The following WWOX variants were observed in gnomAD, a reference collection of about 807,000 sequenced individuals.
WWOX encodes WW domain-containing oxidoreductase.
A neutral mutation model predicts 46.2 loss-of-function variants in WWOX; 69 were observed. The ratio of observed to expected loss-of-function variants is 1.49; its 90% confidence interval spans 1.23 to 1.82. The LOEUF is 1.82. Among genes scored for constraint, WWOX ranks in the 40% most tolerant of loss-of-function variants. The probability of loss-of-function intolerance (pLI) is 0.00; values close to 1 mark genes in which losing one functional copy is unlikely to be tolerated. For synonymous variants in WWOX, 359 were observed against 202.6 expected, an observed-to-expected ratio of 1.77 and a Z score of -6.56; for missense variants, 919 against 542.6, an observed-to-expected ratio of 1.69 and a Z score of -6.89.
chr16:78,679,115 C>T (rs929644722), intron 8 of WWOX, among the ~76,000 whole-genome samples: 1 of 152,184 alleles, frequency 6.6e-6, no homozygotes, highest in East Asian at 1.9e-4. Flanking sequence ...GTGGAGACAC[C>T]AGCGTCTTGG....
intron 6 of WWOX, among the ~76,000 whole-genome samples, chr16:78,423,238 T>C (rs2082993842): frequency 6.6e-6 from 1 of 152,158 alleles, no homozygotes; most frequent in African/African-American, 2.4e-5. Context: ...TCTTTCTCTG[T>C]TTCTGTGTGT....
At chr16:78,454,184 C>G (rs563401775) in intron 8 of WWOX, among the ~76,000 whole-genome samples, 4 of 152,234 alleles carry the variant, frequency 2.6e-5, no homozygotes, top group Non-Finnish European at 5.9e-5. Context: ...CCCAAACTTT[C>G]AATGTTTTGG....
intron 8 of WWOX, among the ~76,000 whole-genome samples, chr16:78,840,415 C>G (rs942207167): frequency 2.0e-5 from 3 of 152,284 alleles, no homozygotes; most frequent in Admixed American, 2.0e-4. Flanking sequence ...ACAGTCAATG[C>G]AAAAGTCCTC....
chr16:78,232,549 A>G (rs1388445254), intron 5 of WWOX, among the ~76,000 whole-genome samples: 1 of 152,230 alleles, frequency 6.6e-6, no homozygotes, highest in African/African-American at 2.4e-5. Flanking sequence ...ACTGTTGGTG[A>G]AAAATCCTTG....
chr16:78,348,197 C>T lies in WWOX; in HGVS notation c.517-38663C>T, dbSNP rs1275582964. On this transcript the variant is annotated intron_variant, in intron 5 of 8. Coordinates refer to ENST00000566780, the MANE Select transcript of WWOX (RefSeq NM_016373.4). ...TTGCTTCTGGGCCATAGCTGTGTTT[C>T]TTCTTAACAAGGCAGAAGCCCAGAA... is the stretch of plus-strand genomic sequence containing the variant. Among the ~76,000 whole-genome samples the T allele has an allele frequency of 3.3e-5, 4 of 121,604 alleles. 1 individual carries two copies. The highest frequency in any genetic ancestry group is 7.9e-5 in the Non-Finnish European group (4 of 50,846). 79.8% of individuals were successfully genotyped at this position (121,604 alleles called of 152,430 possible). A position where few individuals can be genotyped will look rare whatever the true frequency, so the allele number is the denominator to read the frequency against.
In WWOX at chr16:79,212,116, C is replaced by CTGTT. The variant is rs751259235; in HGVS notation, c.*321_*324dup. 2 of 1,535,456 alleles carry CTGTT rather than the reference C, an allele frequency of 1.3e-6. No individual in the cohort carries two copies. The highest frequency in any genetic ancestry group is 1.2e-5 in the South Asian group (1 of 83,948). ...AGCACCAGCAATTCTCTTTCTTTTA[C>CTGTT]TGTTATAGAATAGCCTGAGGTCCCC... On this transcript the variant is annotated 3_prime_UTR_variant, in exon 9 of 9. Transcript: ENST00000566780.
At chr16:78,984,899 C>T (rs116999329) in intron 8 of WWOX, among the ~76,000 whole-genome samples, 3,008 of 152,038 alleles carry the variant, frequency 0.02, 55 homozygotes, top group Non-Finnish European at 0.031. Flanking sequence ...ATTCTTTTTT[C>T]AGTTAATCGG....
chr16:78,823,909 A>G (rs112809913), intron 8 of WWOX, among the ~76,000 whole-genome samples: 2,458 of 151,948 alleles, frequency 0.016, 62 homozygotes, highest in East Asian at 0.056. Flanking sequence ...CCAAGTAGCT[A>G]GGACTACAGG....
At chr16:79,084,162 C>T (rs1405078256) in intron 8 of WWOX, among the ~76,000 whole-genome samples, 1 of 152,140 alleles carries the variant, frequency 6.6e-6, no homozygotes, top group Non-Finnish European at 1.5e-5. Flanking sequence ...CCGCAGCTCT[C>T]AGGCACTCTT....
chr16:79,135,944 G>A (rs1597406422), intron 8 of WWOX, among the ~76,000 whole-genome samples: 1 of 152,074 alleles, frequency 6.6e-6, no homozygotes, highest in East Asian at 1.9e-4. Flanking sequence ...TGTAAATTAA[G>A]GAAACCATCA....
intron 8 of WWOX, among the ~76,000 whole-genome samples, chr16:78,680,883 G>A (rs2047714028): frequency 6.6e-6 from 1 of 152,120 alleles, no homozygotes. Context: ...GGATGAAGTG[G>A]GAGGAAAGTT....
intron 8 of WWOX, among the ~76,000 whole-genome samples, chr16:78,834,234 A>C (rs2051912833): frequency 6.6e-6 from 1 of 152,162 alleles, no homozygotes; most frequent in Admixed American, 6.5e-5. Flanking sequence ...GTGTGTTCTG[A>C]TAGCAAACAT....
intron 5 of WWOX, among the ~76,000 whole-genome samples, chr16:78,181,390 G>T (rs1232884670): frequency 6.6e-6 from 1 of 152,176 alleles, no homozygotes; most frequent in East Asian, 1.9e-4. Context: ...TAATCAGAAA[G>T]AAATTGTCTA....
At chr16:79,084,640 C>G (rs1029875631) in intron 8 of WWOX, among the ~76,000 whole-genome samples, 1 of 152,166 alleles carries the variant, frequency 6.6e-6, no homozygotes. Flanking sequence ...GTCTTGGACT[C>G]CTGGCCTCGT....
At chr16:78,815,519 G>A (rs1192619201) in intron 8 of WWOX, among the ~76,000 whole-genome samples, 2 of 152,098 alleles carry the variant, frequency 1.3e-5, no homozygotes, top group Non-Finnish European at 2.9e-5. Flanking sequence ...CCTCTTGCCA[G>A]GACCCTGACC....
intron 8 of WWOX, among the ~76,000 whole-genome samples, chr16:78,458,569 A>C (rs1434457781): frequency 6.6e-6 from 1 of 152,100 alleles, no homozygotes; most frequent in Non-Finnish European, 1.5e-5. Flanking sequence ...CCATTGGTAT[A>C]CCATTGTTTT....
At chr16:79,059,444 C>T (rs758599255) in intron 8 of WWOX, among the ~76,000 whole-genome samples, 8 of 152,200 alleles carry the variant, frequency 5.3e-5, no homozygotes, top group Non-Finnish European at 7.3e-5. Flanking sequence ...AGTAGAAACT[C>T]AACAGTGTTT....
At chr16:78,523,580 G>A (rs1177301504) in intron 8 of WWOX, among the ~76,000 whole-genome samples, 2 of 152,330 alleles carry the variant, frequency 1.3e-5, no homozygotes, top group East Asian at 3.9e-4. Flanking sequence ...GTCTGATGGA[G>A]GTGGGGGAAG....
chr16:78,242,272 G>C (rs547912449), intron 5 of WWOX, among the ~76,000 whole-genome samples: 1 of 152,288 alleles, frequency 6.6e-6, no homozygotes, highest in African/African-American at 2.4e-5. Context: ...TTTTTGAAAA[G>C]ACAAACCTGA....
Sources: gnomAD v4.1 joint callset for allele counts (sites outside exome capture counted in the v4.1 genomes callset) on GRCh38, gnomAD v4.1.1 for gene constraint, MANE v1.5 for transcripts, NCBI Gene and HGNC (gene_info 2026-07-23, HGNC 2026-07-21) for gene names.